The following SARNP variants were observed in gnomAD, a reference collection of about 807,000 sequenced individuals.
The protein encoded by SARNP is SAP domain-containing ribonucleoprotein.
Under a neutral mutation model 38.1 loss-of-function variants are expected in SARNP, and 5 were observed. That is an observed-to-expected ratio of 0.13 (90% confidence interval 0.07 to 0.28). The LOEUF is 0.28. Among genes scored for constraint, SARNP ranks in the 10% least tolerant of loss-of-function variants. SARNP has a pLI of 1.00. For missense variants in SARNP, 180 were observed against 243.9 expected (o/e 0.74, Z 1.75); for synonymous variants, 84 against 80.6 (o/e 1.04, Z -0.23).
At chr12:55,802,456 TGATAC>T (rs1448819019) in intron 2 of SARNP, among the ~76,000 whole-genome samples, 2 of 152,002 alleles carry the variant, frequency 1.3e-5, no homozygotes, top group African/African-American at 4.8e-5. Context: ...AAGGCTGATA[TGATAC>T]AAGTGGAAAA....
At chr12:55,792,535 C>T (rs1592572758) in intron 7 of SARNP, 4 of 103,192 alleles carry the variant, frequency 3.9e-5, no homozygotes, top group East Asian at 3.2e-4. Context: ...CCACACCCAG[C>T]TTTTTTTTTT....
intron 8 of SARNP, among the ~76,000 whole-genome samples, chr12:55,789,574 A>G (rs763431281): frequency 3.9e-5 from 6 of 152,204 alleles, no homozygotes; most frequent in Non-Finnish European, 7.3e-5. Context: ...AAGACAACCT[A>G]TAACTACTAC....
chr12:55,778,830 G>T (rs1447849534), intron 9 of SARNP, among the ~76,000 whole-genome samples: 1 of 152,072 alleles, frequency 6.6e-6, no homozygotes, highest in Non-Finnish European at 1.5e-5. Context: ...AATTAGCCGG[G>T]CATGGTGGCG....
chr12:55,775,563 A>G (rs1879158188), intron 9 of SARNP, among the ~76,000 whole-genome samples: 1 of 151,634 alleles, frequency 6.6e-6, no homozygotes, highest in Admixed American at 6.6e-5. Context: ...AACAAAAAAA[A>G]AAAACTATGA....
At chr12:55,806,138 G>T (rs778554069) in intron 1 of SARNP, among the ~76,000 whole-genome samples, 21 of 151,856 alleles carry the variant, frequency 1.4e-4, no homozygotes, top group Non-Finnish European at 2.6e-4. Context: ...GACTACTTAG[G>T]TTTGAATTCC....
chr12:55,754,138 G>A (rs1314398939), downstream of SARNP: 1 of 152,168 alleles, frequency 6.6e-6, no homozygotes, highest in Non-Finnish European at 1.5e-5. Flanking sequence ...AAGTGGTTGA[G>A]TAGCAGAAGT....
chr12:55,791,014 TAAAAATGAATAG>T (rs1879651535), intron 7 of SARNP, among the ~76,000 whole-genome samples: 1 of 152,084 alleles, frequency 6.6e-6, no homozygotes, highest in Non-Finnish European at 1.5e-5. Context: ...TATTAAACAA[TAAAAATGAATAG>T]AGATACATGC....
intron 7 of SARNP, among the ~76,000 whole-genome samples, chr12:55,790,806 A>G (rs1463104265): frequency 6.6e-6 from 1 of 152,218 alleles, no homozygotes; most frequent in Non-Finnish European, 1.5e-5. Flanking sequence ...TCCTCAAAAG[A>G]TAAATACAGT....
chr12:55,809,674 T>C (rs1880266429), intron 1 of SARNP, among the ~76,000 whole-genome samples: 1 of 147,418 alleles, frequency 6.8e-6, no homozygotes, highest in East Asian at 2.0e-4. Flanking sequence ...GTCCAGGAGG[T>C]TGAGGCTGCA....
chr12:55,799,547 TAG>T (rs1178690946), intron 4 of SARNP, among the ~76,000 whole-genome samples: 1 of 142,340 alleles, frequency 7.0e-6, no homozygotes, highest in Admixed American at 7.6e-5. Context: ...CTCCTTTATA[TAG>T]AGTGTCACAC....
chr12:55,773,095 T>C (rs977074588), intron 9 of SARNP, among the ~76,000 whole-genome samples: 22 of 152,326 alleles, frequency 1.4e-4, no homozygotes, highest in African/African-American at 5.3e-4. Context: ...TACCTGACCA[T>C]TCAGAAATTT....
intron 5 of SARNP, 48 bp downstream of exon 5, chr12:55,795,977 G>T (rs201417670): frequency 7.8e-7 from 1 of 1,279,770 alleles, no homozygotes; most frequent in Non-Finnish European, 1.1e-6. Flanking sequence ...AAGGGTAAGA[G>T]GGAGAGAGAA....
chr12:55,778,101 G>A (rs1201735301), intron 9 of SARNP, among the ~76,000 whole-genome samples: 1 of 152,066 alleles, frequency 6.6e-6, no homozygotes, highest in Admixed American at 6.6e-5. Context: ...CCAGATGATG[G>A]AATAAACTGA....
At chr12:55,794,436 G>A (rs1433010619) in intron 6 of SARNP, 49 bp from the exon 7 acceptor site, 2 of 1,543,606 alleles carry the variant, frequency 1.3e-6, no homozygotes, top group African/African-American at 1.4e-5. Flanking sequence ...TCACACTCCT[G>A]GTTTGTCTGT....
downstream of SARNP, chr12:55,756,078 G>C (rs1249925947): frequency 6.6e-6 from 1 of 152,168 alleles, no homozygotes; most frequent in African/African-American, 2.4e-5. Flanking sequence ...TTACAAATCA[G>C]ATCTATTCTG....
chr12:55,786,112 A>C (rs1459046769), intron 9 of SARNP, among the ~76,000 whole-genome samples: 3 of 152,214 alleles, frequency 2.0e-5, no homozygotes, highest in Non-Finnish European at 4.4e-5. Flanking sequence ...AAAGAGAAAA[A>C]GTCTAGGGAA....
chr12:55,789,247 C>A, intron 8 of SARNP, 104 bp from the exon 9 acceptor site: 2 of 724,824 alleles, frequency 2.8e-6, no homozygotes, highest in Non-Finnish European at 2.3e-6. Context: ...AAGCCTATAA[C>A]ATCAAAGACA....
intron 1 of SARNP, among the ~76,000 whole-genome samples, chr12:55,816,392 G>A (rs1659177998): frequency 6.6e-6 from 1 of 152,100 alleles, no homozygotes; most frequent in Non-Finnish European, 1.5e-5. Flanking sequence ...AAGATCAAGA[G>A]ACCGCTGATA....
At chr12:55,796,230 G>A (rs1467688055) in intron 4 of SARNP, among the ~76,000 whole-genome samples, 154 bp from the exon 5 acceptor site, 1 of 152,058 alleles carries the variant, frequency 6.6e-6, no homozygotes, top group Non-Finnish European at 1.5e-5. Context: ...CTAGAGCTTT[G>A]GTTCCTTTAA....
Sources: allele counts gnomAD v4.1 joint callset (sites outside exome capture counted in the v4.1 genomes callset), GRCh38; gene constraint gnomAD v4.1.1; transcripts MANE v1.5; gene names NCBI Gene and HGNC (gene_info 2026-07-23, HGNC 2026-07-21).